Variants in DPP6 observed in about 807,000 individuals in gnomAD.
DPP6 encodes the protein A-type potassium channel modulatory protein DPP6.
DPP6 carries 69 observed loss-of-function variants against 122.6 expected under a neutral mutation model. The ratio of observed to expected loss-of-function variants is 0.56; its 90% CI spans 0.46 to 0.69. DPP6 has a LOEUF of 0.69. Ranked by LOEUF, DPP6 falls within the 30% of genes least tolerant of loss-of-function variation. The probability of loss-of-function intolerance (pLI) is 0.00; values close to 1 mark genes in which losing one functional copy is unlikely to be tolerated. For missense variants in DPP6, 928 were observed against 1,116.9 expected (o/e 0.83, Z 2.41); for synonymous variants, 418 against 433.1 (o/e 0.97, Z 0.43).
chr7:154,291,500 T>C (rs1805209393), intron 1 of DPP6, among the ~76,000 whole-genome samples: 1 of 152,200 alleles, frequency 6.6e-6, no homozygotes, highest in Non-Finnish European at 1.5e-5. Context: ...CACTCACGGC[T>C]TCTCCTCTCT....
intron 7 of DPP6, among the ~76,000 whole-genome samples, chr7:154,683,264 C>T (rs892182993): frequency 1.3e-5 from 2 of 152,120 alleles, no homozygotes; most frequent in African/African-American, 2.4e-5. Flanking sequence ...CTAGAGCCTG[C>T]GCCTGTCCCG....
chr7:153,908,864 C>T (rs916011360), intron 1 of DPP6, among the ~76,000 whole-genome samples: 1 of 152,138 alleles, frequency 6.6e-6, no homozygotes, highest in Admixed American at 6.6e-5. Context: ...AGCGATTCTC[C>T]TGCCTCAGCC....
intron 1 of DPP6, among the ~76,000 whole-genome samples, chr7:154,232,375 A>G (rs1800968516): frequency 6.6e-6 from 1 of 152,180 alleles, no homozygotes; most frequent in Non-Finnish European, 1.5e-5. Context: ...CTCTGGAGTG[A>G]TCATCTACTG....
At chr7:154,058,097 CA>C in intron 1 of DPP6, 1 of 141,138 alleles carries the variant, frequency 7.1e-6, no homozygotes, top group African/African-American at 2.6e-5. Context: ...AGGCATCCCC[CA>C]TGAGGCGGGG....
At chr7:154,231,461 C>G (rs765806084) in intron 1 of DPP6, among the ~76,000 whole-genome samples, 1 of 152,128 alleles carries the variant, frequency 6.6e-6, no homozygotes, top group Non-Finnish European at 1.5e-5. Context: ...ATTAGAACCA[C>G]GATGTAAGTG....
chr7:154,484,114 T>C (rs1823582578), intron 3 of DPP6, among the ~76,000 whole-genome samples: 1 of 152,186 alleles, frequency 6.6e-6, no homozygotes, highest in Admixed American at 6.5e-5. Flanking sequence ...TTAACATCAC[T>C]AACCACACTA....
intron 20 of DPP6, among the ~76,000 whole-genome samples, chr7:154,878,684 GCTGTGGAAGGGAGCTCGTCCCACCC>G (rs1805090484): frequency 2.0e-5 from 3 of 152,318 alleles, no homozygotes; most frequent in Admixed American, 6.5e-5. Flanking sequence ...GCTGAGATGA[GCTGTGGAAGGGAGCTCGTCCCACCC>G]CTGTGGAAGG....
At chr7:154,356,032 A>G (rs975962563) in intron 1 of DPP6, among the ~76,000 whole-genome samples, 1 of 152,096 alleles carries the variant, frequency 6.6e-6, no homozygotes, top group African/African-American at 2.4e-5. Flanking sequence ...AATGTTTTCT[A>G]TGTAAGGTCT....
the DPP6 span, among the ~76,000 whole-genome samples, chr7:153,807,096 T>C: frequency 1.3e-5 from 2 of 151,856 alleles, no homozygotes; most frequent in African/African-American, 4.9e-5. Flanking sequence ...GAAAATTCTG[T>C]TAGAGATTAG....
Position 154,853,837 on chromosome 7 carries a change from C to CT in DPP6, c.1714+18dup. 16 of 1,612,468 alleles carry CT rather than the reference C, an allele frequency of 9.9e-6. No individual in the cohort carries two copies. The highest frequency in any genetic ancestry group is 1.1e-5 in the Non-Finnish European group (13 of 1,179,236). On this transcript the variant is annotated intron_variant, in intron 17 of 25. Coordinates refer to ENST00000377770, the MANE Select transcript of DPP6 (RefSeq NM_130797.4). ...ACAACAGATAAGAAAAGTAAGTGCT[C>CT]TTTTTTTTCCTTAAATCTTCCTGAG...
chr7:154,501,046 A>G (rs1399626174), intron 3 of DPP6, among the ~76,000 whole-genome samples: 1 of 152,266 alleles, frequency 6.6e-6, no homozygotes, highest in Non-Finnish European at 1.5e-5. Context: ...GTTATGTTTT[A>G]GCAATGAGAC....
chr7:154,105,322 T>C (rs1806080365), intron 1 of DPP6, among the ~76,000 whole-genome samples: 1 of 152,116 alleles, frequency 6.6e-6, no homozygotes, highest in African/African-American at 2.4e-5. Context: ...AAATGAAAAG[T>C]GTGCTGATAA....
At chr7:154,513,714 G>A (rs997458391) in intron 3 of DPP6, among the ~76,000 whole-genome samples, 2 of 152,146 alleles carry the variant, frequency 1.3e-5, no homozygotes, top group Non-Finnish European at 2.9e-5. Context: ...TCTGGGCCTT[G>A]TATGTCAACA....
At chr7:154,036,252 A>T (rs1799528642) in intron 1 of DPP6, among the ~76,000 whole-genome samples, 1 of 147,494 alleles carries the variant, frequency 6.8e-6, no homozygotes, top group Non-Finnish European at 1.5e-5. Flanking sequence ...CTGGGATTAC[A>T]GGTGCCCACC....
At chr7:154,735,358 A>G (rs2131390853) in intron 8 of DPP6, among the ~76,000 whole-genome samples, 1 of 152,322 alleles carries the variant, frequency 6.6e-6, no homozygotes, top group African/African-American at 2.4e-5. Context: ...TGAGTACTTA[A>G]AAAAATTATA....
At chr7:154,794,981 G>T (rs1013857674) in intron 11 of DPP6, among the ~76,000 whole-genome samples, 1 of 152,104 alleles carries the variant, frequency 6.6e-6, no homozygotes, top group Non-Finnish European at 1.5e-5. Flanking sequence ...CTCCTAACAC[G>T]ACAGCTGTGC....
chr7:154,798,572 G>A (rs1417514375), intron 12 of DPP6, among the ~76,000 whole-genome samples: 1 of 152,230 alleles, frequency 6.6e-6, no homozygotes, highest in African/African-American at 2.4e-5. Flanking sequence ...TTCTGTGACA[G>A]GTGTGTTTTC....
intron 1 of DPP6, among the ~76,000 whole-genome samples, chr7:154,114,459 CTTTA>C (rs1161577658): frequency 1.3e-5 from 2 of 152,044 alleles, no homozygotes; most frequent in African/African-American, 2.4e-5. Flanking sequence ...AAAAACTAAC[CTTTA>C]TTTAATTATT....
intron 3 of DPP6, among the ~76,000 whole-genome samples, chr7:154,524,352 T>C (rs2130014609): frequency 6.6e-6 from 1 of 152,342 alleles, no homozygotes; most frequent in African/African-American, 2.4e-5. Context: ...TATTCTGTCC[T>C]TGTGTCAGTT....
Sources: allele counts gnomAD v4.1 joint callset (sites outside exome capture counted in the v4.1 genomes callset), GRCh38; gene constraint gnomAD v4.1.1; transcripts MANE v1.5; gene names NCBI Gene and HGNC (gene_info 2026-07-23, HGNC 2026-07-21).